The following KCNK2 variants were observed in gnomAD, a reference collection of about 807,000 sequenced individuals.
The protein encoded by KCNK2 is potassium two pore domain channel subfamily K member 2, also known as potassium channel subfamily K member 2.
KCNK2 carries 21 observed loss-of-function variants against 40.5 expected under a neutral mutation model. That is an observed-to-expected ratio of 0.52 (90% CI 0.37 to 0.75). The LOEUF (loss-of-function observed/expected upper bound fraction) is 0.75, where lower values mean the gene tolerates loss of function less well. Ranked by LOEUF, KCNK2 falls within the 30% of genes least tolerant of loss-of-function variation. KCNK2 has a pLI of 0.00. For synonymous variants in KCNK2, 191 were observed against 202.2 expected (o/e 0.94, Z 0.47); for missense variants, 399 against 531.6 (o/e 0.75, Z 2.45).
At chr1:215,133,225 T>C (rs1415315399) in intron 3 of KCNK2, among the ~76,000 whole-genome samples, 1 of 152,228 alleles carries the variant, frequency 6.6e-6, no homozygotes, top group African/African-American at 2.4e-5. Flanking sequence ...TCCTGAATAA[T>C]TTTGAAAAGT....
intron 5 of KCNK2, among the ~76,000 whole-genome samples, chr1:215,188,744 A>T (rs1487998078): frequency 6.6e-6 from 1 of 152,170 alleles, no homozygotes; most frequent in Non-Finnish European, 1.5e-5. Context: ...CAGGAATTTA[A>T]CAGATAACAA....
At chr1:215,158,107 G>A (rs536852779) in intron 3 of KCNK2, among the ~76,000 whole-genome samples, 11 of 152,248 alleles carry the variant, frequency 7.2e-5, no homozygotes, top group South Asian at 2.1e-4. Flanking sequence ...GTATAATGGC[G>A]GCTAAAGAAA....
intron 3 of KCNK2, among the ~76,000 whole-genome samples, chr1:215,149,370 A>G (rs1662583200): frequency 6.6e-6 from 1 of 152,172 alleles, no homozygotes; most frequent in Non-Finnish European, 1.5e-5. Context: ...GGGAGAAGGA[A>G]AAGATTAAGG....
chr1:215,089,509 A>G (rs1401073219), intron 2 of KCNK2, among the ~76,000 whole-genome samples: 2 of 152,104 alleles, frequency 1.3e-5, no homozygotes, highest in African/African-American at 2.4e-5. Context: ...CTCTGATTGG[A>G]CTATAGCAAC....
intron 3 of KCNK2, among the ~76,000 whole-genome samples, chr1:215,130,102 G>A (rs1271134137): frequency 6.6e-6 from 1 of 152,170 alleles, no homozygotes; most frequent in Admixed American, 6.5e-5. Flanking sequence ...AACCAACCAT[G>A]TGATTATCAG....
At chr1:215,138,650 A>G (rs1301801084) in intron 3 of KCNK2, among the ~76,000 whole-genome samples, 1 of 152,158 alleles carries the variant, frequency 6.6e-6, no homozygotes, top group African/African-American at 2.4e-5. Context: ...ATGCCACTGC[A>G]CTCCAACCTG....
chr1:215,109,566 T>TTGTG (rs138414671), intron 2 of KCNK2, among the ~76,000 whole-genome samples: 4 of 149,976 alleles, frequency 2.7e-5, no homozygotes, highest in East Asian at 3.9e-4. Flanking sequence ...TGAGTATTAT[T>TTGTG]TGTGTGTGTG....
chr1:215,046,426 GT>G (rs10718503), intron 1 of KCNK2, among the ~76,000 whole-genome samples: 17,555 of 152,088 alleles, frequency 0.12, 1,114 homozygotes, highest in Middle Eastern at 0.24. Context: ...CTAAGGTCAA[GT>G]TTGATCTTAG....
intron 6 of KCNK2, among the ~76,000 whole-genome samples, chr1:215,225,577 C>T (rs762925837): frequency 3.7e-4 from 57 of 152,124 alleles, no homozygotes; most frequent in Non-Finnish European, 7.2e-4. Flanking sequence ...AAGAAAGTTC[C>T]AGAATGTTTT....
intron 6 of KCNK2, among the ~76,000 whole-genome samples, chr1:215,227,674 G>T (rs1028396183): frequency 1.3e-5 from 2 of 152,080 alleles, no homozygotes; most frequent in African/African-American, 4.8e-5. Context: ...CATTTGAGGG[G>T]ATAGGGAATT....
At chr1:215,060,675 G>C (rs543388372) in intron 1 of KCNK2, among the ~76,000 whole-genome samples, 59 of 152,202 alleles carry the variant, frequency 3.9e-4, no homozygotes, top group African/African-American at 1.3e-3. Flanking sequence ...TGTTACTTTT[G>C]TATCAACTAG....
chr1:215,178,410 G>A (rs1283143111), intron 5 of KCNK2, among the ~76,000 whole-genome samples: 1 of 152,162 alleles, frequency 6.6e-6, no homozygotes, highest in African/African-American at 2.4e-5. Context: ...TAGGAGTGGT[G>A]AGAGTAGGCA....
intron 1 of KCNK2, among the ~76,000 whole-genome samples, chr1:215,051,935 TCA>T (rs1349169810): frequency 6.6e-6 from 1 of 152,198 alleles, no homozygotes; most frequent in Non-Finnish European, 1.5e-5. Flanking sequence ...AAGAATATGC[TCA>T]CCTGCAAACA....
rs112056285 is a variant in KCNK2, at chr1:215,008,195, T to C, written c.34+2240T>C. On this transcript the variant is annotated intron_variant, in intron 1 of 6. Coordinates refer to the KCNK2 transcript ENST00000391895. ...GTAAGGTATGGTAGAATGATTATGA[T>C]TTTGAGGATTATCTTCAAAAGGAAA... Among the ~76,000 whole-genome samples the C allele has an allele frequency of 9.1e-3, 1,390 of 152,180 alleles. 19 individuals carry two copies. Among genetic ancestry groups the C allele is most frequent in the African/African-American group, 0.032 (1,313 of 41,510 alleles).
At chr1:215,077,232 G>T (rs1658976497) in intron 1 of KCNK2, among the ~76,000 whole-genome samples, 1 of 152,194 alleles carries the variant, frequency 6.6e-6, no homozygotes, top group Admixed American at 6.5e-5. Flanking sequence ...GGTATGAGAA[G>T]GGGTGGTAAG....
chr1:215,142,391 A>G (rs1444043180), intron 3 of KCNK2, among the ~76,000 whole-genome samples: 1 of 152,152 alleles, frequency 6.6e-6, no homozygotes, highest in Non-Finnish European at 1.5e-5. Context: ...ATCTAGAAGT[A>G]TTATATTAAA....
intron 1 of KCNK2, among the ~76,000 whole-genome samples, chr1:215,067,991 C>A (rs1658616737): frequency 6.6e-6 from 1 of 151,774 alleles, no homozygotes; most frequent in South Asian, 2.1e-4. Flanking sequence ...ATGTTATGTA[C>A]CTTAGCATAT....
At chr1:215,128,719 A>T (rs1330895099) in intron 3 of KCNK2, among the ~76,000 whole-genome samples, 1 of 151,286 alleles carries the variant, frequency 6.6e-6, no homozygotes, top group Non-Finnish European at 1.5e-5. Context: ...CTAAGCAAAA[A>T]TCCAAAAAGA....
intron 1 of KCNK2, among the ~76,000 whole-genome samples, chr1:215,066,182 T>A (rs1658534043): frequency 6.6e-6 from 1 of 152,136 alleles, no homozygotes; most frequent in African/African-American, 2.4e-5. Context: ...GGTTGATGGA[T>A]ACAGCACACC....
Sources: allele counts gnomAD v4.1 joint callset (sites outside exome capture counted in the v4.1 genomes callset), GRCh38; gene constraint gnomAD v4.1.1; transcripts MANE v1.5; gene names NCBI Gene and HGNC (gene_info 2026-07-23, HGNC 2026-07-21).